The following DROSHA variants were observed in gnomAD, a reference collection of about 807,000 sequenced individuals.
DROSHA encodes the protein drosha ribonuclease III, also known as ribonuclease 3.
DROSHA carries 56 observed loss-of-function variants against 181.9 expected under a neutral mutation model. The observed-to-expected ratio is 0.31, with a 90% CI of 0.25 to 0.38. DROSHA has a LOEUF of 0.38. Ranked by LOEUF, DROSHA falls within the 10% of genes least tolerant of loss-of-function variation. The pLI is 1.00. For synonymous variants in DROSHA, 524 were observed against 591.2 expected (o/e 0.89, Z 1.65); for missense variants, 1,218 against 1,743.5 (o/e 0.70, Z 5.37).
intron 11 of DROSHA, among the ~76,000 whole-genome samples, chr5:31,500,819 G>T (rs1267395204): frequency 6.6e-6 from 1 of 152,212 alleles, no homozygotes; most frequent in South Asian, 2.1e-4. Flanking sequence ...AGCCAAAGGG[G>T]TCTGACCCAC....
chr5:31,520,694 T>C (rs1248241077), intron 6 of DROSHA, among the ~76,000 whole-genome samples: 1 of 152,154 alleles, frequency 6.6e-6, no homozygotes, highest in Non-Finnish European at 1.5e-5. Context: ...GACCACAAAA[T>C]TTTACTTCGG....
intron 11 of DROSHA, among the ~76,000 whole-genome samples, chr5:31,499,247 C>T (rs1753326131): frequency 6.6e-6 from 1 of 152,216 alleles, no homozygotes; most frequent in African/African-American, 2.4e-5. Flanking sequence ...TCCTTCTGTC[C>T]AATCCTGCTT....
chr5:31,456,516 G>A (rs1747689027), intron 20 of DROSHA, among the ~76,000 whole-genome samples: 1 of 149,274 alleles, frequency 6.7e-6, no homozygotes, highest in Non-Finnish European at 1.5e-5. Context: ...ACAGAGAGAG[G>A]AAGAGAAGTA....
At chr5:31,509,717 T>C (rs1738440581) in intron 9 of DROSHA, among the ~76,000 whole-genome samples, 1 of 152,144 alleles carries the variant, frequency 6.6e-6, no homozygotes, top group Admixed American at 6.5e-5. Flanking sequence ...CAAGAGAAGG[T>C]GTTAGTCCTT....
Position 31,451,635 on chromosome 5 carries a change from T to G in DROSHA, c.2580A>C (p.Ala860=), listed in dbSNP as rs917837039. The stretch of plus-strand genomic sequence containing the variant: ...GATGGGTCAGAACAGGTAGCATCAT[T>G]GCATGCTAGGAAAAAAAAAATTCAA... ...TGIRSDVCQH[A]MMLPVLTHHI... Residue 860 remains alanine, a synonymous_variant, in exon 21 of 36, where the codon GCA becomes GCC. Transcript: ENST00000344624. The G allele has an allele frequency of 6.2e-7, 1 of 1,607,596 alleles. No homozygotes were observed. Among genetic ancestry groups the G allele is most frequent in the African/African-American group, 1.3e-5 (1 of 74,750 alleles).
At chr5:31,476,717 T>C (rs538276260) in intron 16 of DROSHA, among the ~76,000 whole-genome samples, 10 of 152,300 alleles carry the variant, frequency 6.6e-5, no homozygotes, top group African/African-American at 2.2e-4. Context: ...GGGGCTCGAT[T>C]TCCATGGAAA....
chr5:31,509,089 C>T (rs544649525), intron 9 of DROSHA, among the ~76,000 whole-genome samples: 1 of 152,218 alleles, frequency 6.6e-6, no homozygotes, highest in Non-Finnish European at 1.5e-5. Flanking sequence ...TCCTAAAGTG[C>T]TGGGATTATA....
At chr5:31,524,386 T>C (rs1297083670) in intron 5 of DROSHA, among the ~76,000 whole-genome samples, 2 of 152,198 alleles carry the variant, frequency 1.3e-5, no homozygotes, top group Non-Finnish European at 2.9e-5. Context: ...ACCAGCTCTC[T>C]GCAAACCCAG....
intron 16 of DROSHA, among the ~76,000 whole-genome samples, chr5:31,479,926 G>A (rs923212368): frequency 2.0e-5 from 3 of 151,598 alleles, no homozygotes; most frequent in African/African-American, 7.3e-5. Flanking sequence ...TGACTGTACT[G>A]TTTTACCTTC....
At chr5:31,432,882 C>T (rs1195223774) in intron 25 of DROSHA, among the ~76,000 whole-genome samples, 1 of 152,106 alleles carries the variant, frequency 6.6e-6, no homozygotes, top group African/African-American at 2.4e-5. Flanking sequence ...TAGAACTAGA[C>T]ACAATGTGAA....
chr5:31,406,264 T>A (rs1000206320), intron 34 of DROSHA, among the ~76,000 whole-genome samples: 2 of 151,924 alleles, frequency 1.3e-5, no homozygotes, highest in African/African-American at 4.8e-5. Flanking sequence ...TCCCAGCACT[T>A]TGGGAGGCTG....
intron 3 of DROSHA, 101 bp from the exon 4 acceptor site, chr5:31,529,206 C>T (rs988938363): frequency 5.2e-6 from 5 of 970,600 alleles, no homozygotes; most frequent in African/African-American, 4.9e-5. Flanking sequence ...TTGTAGTTTC[C>T]AATACACTTA....
chr5:31,448,903 C>T (rs1421322500), intron 22 of DROSHA, among the ~76,000 whole-genome samples: 1 of 152,056 alleles, frequency 6.6e-6, no homozygotes, highest in African/African-American at 2.4e-5. Context: ...GAGGCAGAGG[C>T]GGATAGATCA....
intron 29 of DROSHA, 98 bp from the exon 30 acceptor site, chr5:31,421,475 A>C (rs1446451971): frequency 1.0e-6 from 1 of 982,296 alleles, no homozygotes; most frequent in Non-Finnish European, 1.6e-6. Flanking sequence ...TAAAAAGACA[A>C]TGTGTTCATT....
rs201733336 is a variant in DROSHA, at chr5:31,521,191, C to T, written c.879G>A (p.Arg293=). 77 of 1,613,638 alleles carry T rather than the reference C, an allele frequency of 4.8e-5. No individual in the cohort carries two copies. The highest frequency in any genetic ancestry group is 5.7e-5 in the Non-Finnish European group (67 of 1,179,646). The stretch of plus-strand genomic sequence containing the variant: ...ATGGTGATCTTCGGTTGTCTCGATG[C>T]CTGTGTCTCTCCCGTTCTCGCTCTC... ...RSRERERERH[R]HRDNRRSPSL... The change falls in exon 6 of 36, where the codon AGG becomes AGA. Residue 293 remains arginine (R), a synonymous_variant. Coordinates refer to ENST00000344624, the MANE Select transcript of DROSHA (RefSeq NM_001382508.1).
chr5:31,512,359 A>G (rs762084588), intron 8 of DROSHA, among the ~76,000 whole-genome samples: 2 of 152,310 alleles, frequency 1.3e-5, no homozygotes, highest in Admixed American at 1.3e-4. Flanking sequence ...TAATATACTC[A>G]TAACGATGTA....
chr5:31,493,937 TTGTGTGTGTGTGTGTGTGTGTGTG>T lies in DROSHA; in HGVS notation c.1756-668_1756-645del, dbSNP rs67311624. Among the ~76,000 whole-genome samples the T allele has an allele frequency of 8.6e-3, 1,242 of 144,822 alleles. 8 individuals are homozygous for T. The highest frequency in any genetic ancestry group is 0.03 in the African/African-American group (1,157 of 37,948). Reference sequence around the variant, plus strand: ...CTTATGCCATTCTTATAACCCACCATTGTGTGTGTGTGTGTGTGTGTGTGTGTGTGTGTGTGTGTGTGTGTGTTT... The same window carrying T: ...CTTATGCCATTCTTATAACCCACCATTGTGTGTGTGTGTGTGTGTGTGTTT... On this transcript the variant is annotated intron_variant, in intron 12 of 35. Coordinates refer to ENST00000344624, the MANE Select transcript of DROSHA (RefSeq NM_001382508.1).
At chr5:31,527,859 C>T (rs1036167145) in intron 4 of DROSHA, among the ~76,000 whole-genome samples, 2 of 152,200 alleles carry the variant, frequency 1.3e-5, no homozygotes, top group East Asian at 1.9e-4. Context: ...ATACTTCTAA[C>T]TCACTCTAAT....
intron 10 of DROSHA, 110 bp downstream of exon 10, chr5:31,508,511 G>T: frequency 6.7e-7 from 1 of 1,494,862 alleles, no homozygotes; most frequent in Non-Finnish European, 9.1e-7. Context: ...ACAAAACCCT[G>T]ACAGTAAAAT....
Sources: allele counts gnomAD v4.1 joint callset (sites outside exome capture counted in the v4.1 genomes callset), GRCh38; gene constraint gnomAD v4.1.1; transcripts MANE v1.5; gene names NCBI Gene and HGNC (gene_info 2026-07-23, HGNC 2026-07-21).